The following ANKDD1A variants were observed in gnomAD, a reference collection of about 807,000 sequenced individuals.
The protein encoded by ANKDD1A is ankyrin repeat and death domain-containing protein 1A.
ANKDD1A carries 59 observed loss-of-function variants against 63.5 expected under a neutral mutation model. The observed-to-expected ratio is 0.93, with a 90% CI of 0.75 to 1.15. ANKDD1A has a LOEUF of 1.15. Ranked by LOEUF, ANKDD1A falls within the 50% of genes most tolerant of loss-of-function variation. The pLI is 0.00. For missense variants in ANKDD1A, 632 were observed against 656.4 expected, an observed-to-expected ratio of 0.96 and a Z score of 0.41; for synonymous variants, 266 against 263.9, an observed-to-expected ratio of 1.01 and a Z score of -0.08.
chr15:64,911,977 G>A lies in ANKDD1A; in HGVS notation c.34+13G>A. The A allele has an allele frequency of 1.5e-6, 1 of 686,194 alleles. No individual in the cohort carries two copies. The highest frequency in any genetic ancestry group is 7.1e-5 in the South Asian group (1 of 14,010). The allele number at this position is 686,194 out of a possible 1,614,324, so 42.5% of individuals were successfully genotyped here. ...GAGACCGACGGCCGTGAGTCTGCCT[G>A]GAGGAGGGAGGGGGGCGGGCCGAGG... On this transcript the variant is annotated intron_variant, in intron 1 of 14. Transcript: ENST00000319580.
chr15:64,923,956 C>T (rs373137199), intron 4 of ANKDD1A, among the ~76,000 whole-genome samples: 2 of 152,230 alleles, frequency 1.3e-5, no homozygotes, highest in African/African-American at 4.8e-5. Context: ...AGCAGATCCC[C>T]TCTATATTTG....
intron 4 of ANKDD1A, 59 bp from the exon 5 acceptor site, chr15:64,926,007 A>G (rs1252002947): frequency 6.8e-7 from 1 of 1,463,126 alleles, no homozygotes; most frequent in African/African-American, 1.4e-5. Context: ...GGAGACTGGC[A>G]GTGTGTGAAA....
intron 14 of ANKDD1A, 102 bp from the exon 15 acceptor site, chr15:64,957,001 C>T (rs572519290): frequency 9.5e-5 from 39 of 411,418 alleles, no homozygotes; most frequent in Admixed American, 8.6e-4. Context: ...ATATATGTTG[C>T]GAGCTAAATG....
At chr15:64,939,007 A>G (rs573421122) in intron 9 of ANKDD1A, among the ~76,000 whole-genome samples, 1 of 151,958 alleles carries the variant, frequency 6.6e-6, no homozygotes, top group Non-Finnish European at 1.5e-5. Context: ...CTAATAATCA[A>G]TTGACATTGT....
At chr15:64,917,663 C>G in intron 3 of ANKDD1A, 149 bp downstream of exon 3, 1 of 1,241,176 alleles carries the variant, frequency 8.1e-7, no homozygotes, top group Non-Finnish European at 1.1e-6. Context: ...CGCAGGGACA[C>G]TGCACTGATT....
intron 12 of ANKDD1A, among the ~76,000 whole-genome samples, chr15:64,947,197 A>C (rs1270864886): frequency 2.0e-5 from 3 of 152,194 alleles, no homozygotes; most frequent in Non-Finnish European, 4.4e-5. Flanking sequence ...GTGGAAGAAC[A>C]GTGGGAGCAA....
chr15:64,925,036 A>G (rs2085035373), intron 4 of ANKDD1A, among the ~76,000 whole-genome samples: 1 of 151,416 alleles, frequency 6.6e-6, no homozygotes, highest in Non-Finnish European at 1.5e-5. Flanking sequence ...AAACCAGCCT[A>G]GGCAACATGG....
intron 9 of ANKDD1A, among the ~76,000 whole-genome samples, chr15:64,938,101 G>A (rs552502899): frequency 2.9e-4 from 44 of 152,294 alleles, no homozygotes; most frequent in East Asian, 9.6e-4. Context: ...AAAACTGTGC[G>A]TCCATACTGA....
Position 64,927,697 on chromosome 15 carries a change from C to T in ANKDD1A, c.570+698C>T, listed in dbSNP as rs566319939. On this transcript the variant is annotated intron_variant, in intron 6 of 14. Transcript: ENST00000319580. ...TTGGCTCACTGCAAGCTCCGCCTCC[C>T]GGGTTCACACCATTCTCCTGCCTCA... 7.3e-5 allele frequency among the ~76,000 whole-genome samples: 11 copies of T among 151,718 alleles called. No individual in the cohort carries two copies. In the South Asian group the frequency reaches 1.5e-3, roughly 20 times the overall value.
At chr15:64,945,164 T>C (rs1183004918) in intron 12 of ANKDD1A, among the ~76,000 whole-genome samples, 1 of 152,210 alleles carries the variant, frequency 6.6e-6, no homozygotes, top group Non-Finnish European at 1.5e-5. Context: ...TCATTAGTCG[T>C]GTCTCCTGTG....
intron 14 of ANKDD1A, among the ~76,000 whole-genome samples, chr15:64,951,720 C>CGTACTTCCTTTCTTTTCTTTTTCTTT (rs1276132353): frequency 7.3e-6 from 1 of 136,252 alleles, no homozygotes; most frequent in Non-Finnish European, 1.6e-5. Flanking sequence ...TCTTTTTCTT[C>CGTACTTCCTTTCTTTTCTTTTTCTTT]CCTTTTCTTC....
intron 14 of ANKDD1A, among the ~76,000 whole-genome samples, chr15:64,952,565 GTTCTTCTTCTCCTTCTT>G (rs1298653062): frequency 2.5e-5 from 2 of 80,790 alleles, no homozygotes; most frequent in Non-Finnish European, 5.1e-5. Flanking sequence ...CTTCTCCTTC[GTTCTTCTTCTCCTTCTT>G]TTCTTCTTCT....
intron 6 of ANKDD1A, among the ~76,000 whole-genome samples, chr15:64,928,406 C>T (rs1029099573): frequency 2.6e-5 from 4 of 152,262 alleles, no homozygotes; most frequent in Admixed American, 2.6e-4. Context: ...CCCAGGAGAG[C>T]ATGAGCACCA....
chr15:64,956,350 C>T (rs950912579), intron 14 of ANKDD1A, among the ~76,000 whole-genome samples: 32 of 151,732 alleles, frequency 2.1e-4, no homozygotes, highest in African/African-American at 5.6e-4. Context: ...GAGATCGAGA[C>T]CATCCTGGCT....
intron 8 of ANKDD1A, 148 bp downstream of exon 8, chr15:64,931,733 T>C: frequency 1.2e-6 from 1 of 806,486 alleles, no homozygotes; most frequent in Non-Finnish European, 2.0e-6. Flanking sequence ...TCTCCACTGC[T>C]GAGCCCTGTG....
intron 14 of ANKDD1A, among the ~76,000 whole-genome samples, chr15:64,954,691 CCTTGTT>C (rs2085394585): frequency 2.8e-5 from 4 of 144,954 alleles, no homozygotes; most frequent in African/African-American, 5.1e-5. Context: ...CTCTCCTTCT[CCTTGTT>C]CTTCTCCTTC....
rs2085383450 is a variant in ANKDD1A at position 64,954,374 on chromosome 15, CTTTTCTT to C, written c.1484-2726_1484-2720del. On this transcript the variant is annotated intron_variant, in intron 14 of 14. Coordinates refer to ENST00000319580, the MANE Select transcript of ANKDD1A (RefSeq NM_182703.6). ...TCTTCTCTTCTTCTCCTTCTTCTTC[CTTTTCTT>C]TTCTTCTTCTTTCTTCTTCCTTCCT... Among the ~76,000 whole-genome samples the C allele has an allele frequency of 8.9e-4, 13 of 14,546 alleles. No homozygotes were observed. The South Asian group carries it at 0.056, about 62-fold the overall frequency. 9.5% of individuals were successfully genotyped at this position (14,546 alleles called of 152,430 possible). A position where few individuals can be genotyped will look rare whatever the true frequency, so the allele number is the denominator to read the frequency against.
chr15:64,951,885 TTCTTTC>T (rs1428063208), intron 14 of ANKDD1A, among the ~76,000 whole-genome samples: 3 of 65,684 alleles, frequency 4.6e-5, no homozygotes, highest in Non-Finnish European at 1.3e-4. Flanking sequence ...TCTTCTTTCC[TTCTTTC>T]TTTTTCTTTT....
Position 64,958,477 on chromosome 15 carries a change from A to AAAAT in ANKDD1A, c.*1291_*1294dup, listed in dbSNP as rs1048014869. On this transcript the variant is annotated 3_prime_UTR_variant, in exon 15 of 15. Coordinates refer to ENST00000319580, the MANE Select transcript of ANKDD1A (RefSeq NM_182703.6). ...TTTTCTCTAAACCTAAAACTGTTCTAAAATAGAAAGTCTGTGAAAAAAAAC... is the reference window on the plus strand; with the variant it reads ...TTTTCTCTAAACCTAAAACTGTTCTAAAATAAATAGAAAGTCTGTGAAAAAAAAC... 3.3e-5 allele frequency: 5 copies of AAAAT among 152,160 alleles called. No individual in the cohort carries two copies. The highest frequency in any genetic ancestry group is 1.2e-4 in the African/African-American group (5 of 41,444). The allele number at this position is 152,160 out of a possible 1,614,324, so 9.4% of individuals were successfully genotyped here. A position where few individuals can be genotyped will look rare whatever the true frequency, so the allele number is the denominator to read the frequency against.
Sources: allele counts gnomAD v4.1 joint callset (sites outside exome capture counted in the v4.1 genomes callset), GRCh38; gene constraint gnomAD v4.1.1; transcripts MANE v1.5; gene names NCBI Gene and HGNC (gene_info 2026-07-23, HGNC 2026-07-21).